YWHAQ: variants seen among roughly 807,000 people sequenced by gnomAD.
YWHAQ encodes tyrosine 3-monooxygenase/tryptophan 5-monooxygenase activation protein theta, also known as 14-3-3 protein theta.
A neutral mutation model predicts 28.3 loss-of-function variants in YWHAQ; 6 were observed. The ratio of observed to expected loss-of-function variants is 0.21; its 90% CI spans 0.12 to 0.42. YWHAQ has a LOEUF of 0.42. Ranked by LOEUF, YWHAQ falls within the 10% of genes least tolerant of loss-of-function variation. YWHAQ has a pLI of 1.00. For missense variants in YWHAQ, 201 were observed against 305.6 expected, an observed-to-expected ratio of 0.66 and a Z score of 2.55; for synonymous variants, 143 against 119.1, an observed-to-expected ratio of 1.20 and a Z score of -1.31.
chr2:9,623,775 C>A (rs76964971), intron 2 of YWHAQ, among the ~76,000 whole-genome samples: 23,025 of 149,282 alleles, frequency 0.15, 2,124 homozygotes, highest in Middle Eastern at 0.24. Context: ...TCTGTCTCAA[C>A]AAAATAAATA....
chr2:9,592,979 G>T (rs1666487589), intron 2 of YWHAQ, among the ~76,000 whole-genome samples: 1 of 152,088 alleles, frequency 6.6e-6, no homozygotes, highest in Non-Finnish European at 1.5e-5. Flanking sequence ...TTTTAAAGCA[G>T]GGAAGAGAGA....
intron 2 of YWHAQ, among the ~76,000 whole-genome samples, chr2:9,629,250 T>C (rs1667307832): frequency 6.6e-6 from 1 of 152,246 alleles, no homozygotes; most frequent in African/African-American, 2.4e-5. Flanking sequence ...TTTCCCATTT[T>C]ATTCATAGAA....
At chr2:9,602,333 T>C (rs1666709553) in intron 2 of YWHAQ, among the ~76,000 whole-genome samples, 1 of 152,058 alleles carries the variant, frequency 6.6e-6, no homozygotes, top group African/African-American at 2.4e-5. Context: ...GAGGGTTGTT[T>C]GTACCCAGAT....
intron 2 of YWHAQ, among the ~76,000 whole-genome samples, chr2:9,593,257 T>TTTTG (rs1558541890): frequency 8.2e-6 from 1 of 121,528 alleles, no homozygotes; most frequent in African/African-American, 3.0e-5. Context: ...TTTTTTTTTT[T>TTTTG]GAGACAAAGT....
intron 5 of YWHAQ, among the ~76,000 whole-genome samples, chr2:9,585,619 A>G (rs1666327392): frequency 6.6e-6 from 1 of 152,200 alleles, no homozygotes; most frequent in Non-Finnish European, 1.5e-5. Context: ...TTATTTAAAA[A>G]GCATTTGGCC....
intron 2 of YWHAQ, among the ~76,000 whole-genome samples, chr2:9,603,232 T>C (rs1666750036): frequency 6.6e-6 from 1 of 151,090 alleles, no homozygotes; most frequent in Admixed American, 6.6e-5. Context: ...GCCTGACCAG[T>C]CAAGTTACAA....
intron 5 of YWHAQ, 70 bp from the exon 6 acceptor site, chr2:9,585,415 A>G (rs1446495138): frequency 2.6e-6 from 4 of 1,533,442 alleles, no homozygotes; most frequent in Non-Finnish European, 3.6e-6. Context: ...GTATTGTTAT[A>G]TCAAAATTAA....
At chr2:9,625,186 C>T (rs890519684) in intron 2 of YWHAQ, among the ~76,000 whole-genome samples, 1 of 150,806 alleles carries the variant, frequency 6.6e-6, no homozygotes, top group Non-Finnish European at 1.5e-5. Context: ...TGCTTAAACC[C>T]GGGAGACAGA....
intron 2 of YWHAQ, among the ~76,000 whole-genome samples, chr2:9,598,192 A>G (rs1371458252): frequency 1.3e-5 from 2 of 152,054 alleles, no homozygotes; most frequent in Non-Finnish European, 2.9e-5. Context: ...AGCGGACACC[A>G]CACAGAAGAC....
intron 2 of YWHAQ, among the ~76,000 whole-genome samples, chr2:9,592,643 T>G (rs943041522): frequency 2.6e-5 from 4 of 152,098 alleles, no homozygotes; most frequent in African/African-American, 9.7e-5. Context: ...GAGAATTGCT[T>G]GAACCTGGGA....
At position 9,596,142 on chromosome 2, in the gene YWHAQ, T is replaced by TG. The variant is rs1181711375; in HGVS notation, c.295-4628_295-4627insC. Among the ~76,000 whole-genome samples, 12 of 152,118 alleles carry TG rather than the reference T, an allele frequency of 7.9e-5. No individual in the cohort carries two copies. In the East Asian group the frequency reaches 1.9e-3, roughly 25 times the overall value. Reference sequence around the variant, plus strand: ...ACTATAACACAAAAGCTATAAAGAATAATATAAGAAATGAAACTGTTGAGA... The same window carrying TG: ...ACTATAACACAAAAGCTATAAAGAATGAATATAAGAAATGAAACTGTTGAGA... On this transcript the variant is annotated intron_variant, in intron 2 of 5. Coordinates refer to ENST00000238081, the MANE Select transcript of YWHAQ (RefSeq NM_006826.4).
chr2:9,597,521 C>A (rs529980600), intron 2 of YWHAQ, among the ~76,000 whole-genome samples: 12 of 151,120 alleles, frequency 7.9e-5, no homozygotes, highest in African/African-American at 2.7e-4. Flanking sequence ...TGGCAGGCAC[C>A]TGTAATCCCA....
intron 3 of YWHAQ, among the ~76,000 whole-genome samples, chr2:9,588,537 G>A (rs1446601262): frequency 2.0e-5 from 3 of 152,118 alleles, no homozygotes; most frequent in Admixed American, 6.5e-5. Context: ...TTGGGAGGCC[G>A]AGGTGGGTGG....
chr2:9,628,121 G>C (rs1049403160), intron 2 of YWHAQ, among the ~76,000 whole-genome samples: 1 of 152,154 alleles, frequency 6.6e-6, no homozygotes, highest in Admixed American at 6.5e-5. Context: ...CACACAGAAA[G>C]CTCTCAATAC....
intron 2 of YWHAQ, among the ~76,000 whole-genome samples, chr2:9,617,046 C>T (rs79255884): frequency 6.6e-5 from 10 of 151,956 alleles, no homozygotes; most frequent in Middle Eastern, 3.4e-3. Context: ...CTGCAAGCTC[C>T]GCCTCCTGGG....
intron 2 of YWHAQ, among the ~76,000 whole-genome samples, chr2:9,605,852 G>A (rs539749509): frequency 6.6e-6 from 1 of 151,878 alleles, no homozygotes; most frequent in Non-Finnish European, 1.5e-5. Flanking sequence ...TTGAGCCACC[G>A]CGCCCAGCCT....
intron 2 of YWHAQ, among the ~76,000 whole-genome samples, chr2:9,592,591 G>A (rs1275251638): frequency 6.6e-6 from 1 of 152,008 alleles, no homozygotes; most frequent in African/African-American, 2.4e-5. Context: ...CAAGCGTGAT[G>A]GTGGGCACCT....
chr2:9,588,497 G>A (rs547348087), intron 3 of YWHAQ, among the ~76,000 whole-genome samples, 169 bp from the exon 4 acceptor site: 104 of 152,242 alleles, frequency 6.8e-4, no homozygotes, highest in African/African-American at 2.4e-3. Context: ...GTGGCCAGGC[G>A]CGGTGGCTCA....
At position 9,630,474 on chromosome 2, in the gene YWHAQ, G is replaced by A. The variant is rs777741592; in HGVS notation, c.-22C>T. 1.9e-6 allele frequency: 3 copies of A among 1,572,594 alleles called. No homozygotes were observed. The highest frequency in any genetic ancestry group is 1.3e-5 in the African/African-American group (1 of 74,486). On this transcript the variant is annotated 5_prime_UTR_variant, in exon 2 of 6. Transcript: ENST00000238081. This position sits in a 1 kb window ranked among gnomAD's most constrained non-coding sequence, Gnocchi z 5.6. ...CCATGGCGGGCGCGGGGCCGGGGCC[G>A]GGGCGGAGGGCGAGGAGAGCGAGGG... is the stretch of plus-strand genomic sequence containing the variant.
Sources: allele counts gnomAD v4.1 joint callset (sites outside exome capture counted in the v4.1 genomes callset), GRCh38; gene constraint gnomAD v4.1.1; non-coding constraint Gnocchi (gnomAD v3.1); transcripts MANE v1.5; gene names NCBI Gene and HGNC (gene_info 2026-07-23, HGNC 2026-07-21).